The following UIMC1 variants were observed in gnomAD, a reference collection of about 807,000 sequenced individuals.
UIMC1 encodes the protein BRCA1-A complex subunit RAP80.
Under a neutral mutation model 84.9 loss-of-function variants are expected in UIMC1, and 42 were observed. The observed-to-expected ratio is 0.49, with a 90% confidence interval of 0.39 to 0.64. The LOEUF (loss-of-function observed/expected upper bound fraction) is 0.64. Ranked by LOEUF, UIMC1 falls within the 30% of genes least tolerant of loss-of-function variation. UIMC1 has a pLI of 0.00. For missense variants in UIMC1, 825 were observed against 847.6 expected (o/e 0.97, Z 0.33); for synonymous variants, 281 against 293.0 (o/e 0.96, Z 0.42).
chr5:176,979,124 A>T (rs2149498528), intron 2 of UIMC1, among the ~76,000 whole-genome samples: 1 of 152,358 alleles, frequency 6.6e-6, no homozygotes, highest in Non-Finnish European at 1.5e-5. Context: ...CCCATTTATA[A>T]ACAAGATTTT....
At chr5:177,007,309 C>A (rs1046288405), upstream of UIMC1, among the ~76,000 whole-genome samples, 53 of 143,750 alleles carry the variant, frequency 3.7e-4, 1 homozygote, top group African/African-American at 1.5e-3. Flanking sequence ...CCACTGCACT[C>A]CAGCCTGGGC....
intron 1 of UIMC1, among the ~76,000 whole-genome samples, chr5:176,992,561 T>C (rs530547773): frequency 3.1e-4 from 47 of 152,150 alleles, no homozygotes; most frequent in African/African-American, 9.9e-4. Flanking sequence ...TTAAAACTTC[T>C]GCTCTTTAAA....
chr5:176,929,436 G>A (rs181898908), intron 10 of UIMC1, among the ~76,000 whole-genome samples: 318 of 151,212 alleles, frequency 2.1e-3, no homozygotes, highest in African/African-American at 7.0e-3. Context: ...GCGTGGTGGC[G>A]GGTGCCTGTA....
chr5:177,018,664 G>A (rs1775724229), intron 1 of UIMC1, among the ~76,000 whole-genome samples: 1 of 152,184 alleles, frequency 6.6e-6, no homozygotes, highest in Non-Finnish European at 1.5e-5. Context: ...GTCCCAGCAA[G>A]GAGTCCAGGC....
At chr5:176,944,462 A>C (rs533901595) in intron 9 of UIMC1, among the ~76,000 whole-genome samples, 2 of 152,244 alleles carry the variant, frequency 1.3e-5, no homozygotes, top group African/African-American at 2.4e-5. Context: ...GCACTGCAGC[A>C]CTACTGCCTA....
At position 176,968,981 on chromosome 5, in the gene UIMC1, T is replaced by A; in HGVS notation, c.774A>T (p.Leu258=). 6.2e-7 allele frequency: 1 copy of A among 1,614,174 alleles called. No homozygotes were observed. The highest frequency in any genetic ancestry group is 8.5e-7 in the Non-Finnish European group (1 of 1,180,024). ...QGSGDTSRHC[L]PTLADAKGLQ... is the part of the protein sequence containing the mutation. ...GACCTTTGGCATCTGCTAGGGTAGG[T>A]AGACAGTGCCTAGATGTGTCCCCGC... Residue 258 remains leucine, a synonymous_variant, in exon 6 of 15, where the codon CTA becomes CTT. Coordinates refer to ENST00000511320, the MANE Select transcript of UIMC1 (RefSeq NM_001199298.2).
intron 9 of UIMC1, among the ~76,000 whole-genome samples, chr5:176,948,981 C>A (rs921719309): frequency 6.8e-6 from 1 of 146,632 alleles, no homozygotes; most frequent in Non-Finnish European, 1.5e-5. Flanking sequence ...TATCTAACTT[C>A]TTTTAATGGA....
At chr5:176,923,206 G>A (rs1554109115) in intron 10 of UIMC1, among the ~76,000 whole-genome samples, 1 of 152,208 alleles carries the variant, frequency 6.6e-6, no homozygotes, top group Non-Finnish European at 1.5e-5. Flanking sequence ...GTACCTGAGA[G>A]AACAAGAGAT....
intron 10 of UIMC1, among the ~76,000 whole-genome samples, chr5:176,937,845 C>T (rs979949971): frequency 4.3e-4 from 66 of 152,128 alleles, no homozygotes; most frequent in African/African-American, 1.5e-3. Flanking sequence ...TCTCTTATTC[C>T]ACCCCTTAAG....
rs1358801394 is a variant in UIMC1, at chr5:177,001,926, G to C, written c.-9+4724C>G. On this transcript the variant is annotated intron_variant, in intron 1 of 14. Transcript: ENST00000511320. ...GATCACACCACTGCACTCCAGCCTGGGCGACAGAGCGAGACTCTGTTTCCC... is the reference window on the plus strand; with the variant it reads ...GATCACACCACTGCACTCCAGCCTGCGCGACAGAGCGAGACTCTGTTTCCC... The C allele has an allele frequency of 1.7e-4, 25 of 146,916 alleles. 1 individual carries two copies. In the Admixed American group the frequency reaches 1.7e-3, roughly 10 times the overall value. 9.1% of individuals were successfully genotyped at this position (146,916 alleles called of 1,614,324 possible). A position where few individuals can be genotyped will look rare whatever the true frequency, so the allele number is the denominator to read the frequency against.
intron 2 of UIMC1, among the ~76,000 whole-genome samples, chr5:176,977,362 A>G (rs546112688): frequency 5.4e-4 from 82 of 152,222 alleles, no homozygotes; most frequent in African/African-American, 1.8e-3. Flanking sequence ...CAACACTATC[A>G]TCAAACTTCA....
At chr5:176,917,133 CCT>C (rs1761078707) in intron 10 of UIMC1, among the ~76,000 whole-genome samples, 1 of 152,146 alleles carries the variant, frequency 6.6e-6, no homozygotes, top group Non-Finnish European at 1.5e-5. Flanking sequence ...TAAGATCACC[CCT>C]CTTTCAGCCT....
At chr5:176,943,307 G>A (rs1764673628) in intron 10 of UIMC1, 28 bp downstream of exon 10, 2 of 1,607,028 alleles carry the variant, frequency 1.2e-6, no homozygotes, top group East Asian at 2.2e-5. Context: ...AAAAAAGTAA[G>A]AGTTTGGCTG....
At chr5:176,908,870 C>CA (rs1759753117) in intron 11 of UIMC1, among the ~76,000 whole-genome samples, 176 bp from the exon 12 acceptor site, 1 of 152,202 alleles carries the variant, frequency 6.6e-6, no homozygotes, top group East Asian at 1.9e-4. Flanking sequence ...CAACGCCAAT[C>CA]AAAAGGACTG....
intron 2 of UIMC1, among the ~76,000 whole-genome samples, chr5:176,976,982 G>A (rs998871776): frequency 3.9e-4 from 60 of 152,284 alleles, no homozygotes; most frequent in African/African-American, 1.4e-3. Flanking sequence ...CAGCACTTTG[G>A]GAGGCCCAAG....
chr5:176,970,682 A>G (rs773952677), intron 4 of UIMC1, 60 bp downstream of exon 4: 49 of 1,612,224 alleles, frequency 3.0e-5, no homozygotes, highest in Non-Finnish European at 1.9e-5. Context: ...CTACAACACC[A>G]CAGAAGTCAA....
intron 1 of UIMC1, among the ~76,000 whole-genome samples, chr5:176,998,485 A>AAG (rs1773966401): frequency 6.6e-6 from 1 of 150,390 alleles, no homozygotes; most frequent in Non-Finnish European, 1.5e-5. Context: ...AAAAAAAAAA[A>AAG]GTCTGGGTAC....
chr5:176,967,865 T>G (rs1768541444), intron 6 of UIMC1, among the ~76,000 whole-genome samples: 1 of 149,466 alleles, frequency 6.7e-6, no homozygotes, highest in Non-Finnish European at 1.5e-5. Context: ...ATGGCATCGG[T>G]GCACTCTAGC....
intron 10 of UIMC1, among the ~76,000 whole-genome samples, chr5:176,924,799 G>T (rs958838359): frequency 6.6e-6 from 1 of 152,124 alleles, no homozygotes; most frequent in Non-Finnish European, 1.5e-5. Flanking sequence ...CCAGCACTTT[G>T]GGAGGCTGAG....
Sources: gnomAD v4.1 joint callset for allele counts (sites outside exome capture counted in the v4.1 genomes callset) on GRCh38, gnomAD v4.1.1 for gene constraint, MANE v1.5 for transcripts, NCBI Gene and HGNC (gene_info 2026-07-23, HGNC 2026-07-21) for gene names.